FOCAD: variants seen among roughly 807,000 people sequenced by gnomAD.
The protein encoded by FOCAD is KIAA1797.
In FOCAD, 198 loss-of-function variants were observed where a neutral mutation model predicts 225.6. That is an observed-to-expected ratio of 0.88 (90% CI 0.78 to 0.99). The LOEUF is 0.99. FOCAD is among the 50% of genes least tolerant of loss of function. FOCAD has a pLI of 0.00. For missense variants in FOCAD, 2,713 were observed against 2,123.6 expected, an observed-to-expected ratio of 1.28 and a Z score of -5.46; for synonymous variants, 897 against 755.0, an observed-to-expected ratio of 1.19 and a Z score of -3.08.
intron 2 of FOCAD, chr9:20,716,130 C>T (rs768108997): frequency 2.1e-6 from 1 of 480,854 alleles, no homozygotes; most frequent in South Asian, 1.6e-5. Flanking sequence ...AGTGGGGAAC[C>T]CTTCCATGAG....
At chr9:20,837,215 T>C (rs1459915134) in intron 15 of FOCAD, among the ~76,000 whole-genome samples, 2 of 152,074 alleles carry the variant, frequency 1.3e-5, no homozygotes, top group African/African-American at 4.8e-5. Context: ...CTCACTTGAA[T>C]CAAAATCATG....
chr9:20,756,713 C>T (rs1395877086), intron 5 of FOCAD, among the ~76,000 whole-genome samples: 1 of 152,124 alleles, frequency 6.6e-6, no homozygotes, highest in Non-Finnish European at 1.5e-5. Context: ...AACAAGTTCC[C>T]AGTTGATCTT....
chr9:20,779,235 G>A (rs1354752301), intron 9 of FOCAD, among the ~76,000 whole-genome samples: 5 of 152,106 alleles, frequency 3.3e-5, no homozygotes, highest in Non-Finnish European at 5.9e-5. Context: ...TGAAGGAGGG[G>A]GCCAAGGGTG....
At chr9:20,676,295 G>C (rs537000833) in intron 2 of FOCAD, among the ~76,000 whole-genome samples, 2 of 152,132 alleles carry the variant, frequency 1.3e-5, no homozygotes, top group East Asian at 1.9e-4. Flanking sequence ...TGAATATCCC[G>C]ATTTGCCCTA....
intron 8 of FOCAD, among the ~76,000 whole-genome samples, chr9:20,778,273 C>G (rs1347402279): frequency 6.6e-6 from 1 of 151,860 alleles, no homozygotes; most frequent in Non-Finnish European, 1.5e-5. Context: ...GAGATGGAAT[C>G]TCGCTCTGCC....
chr9:20,937,936 T>A (rs1836168623), intron 28 of FOCAD, among the ~76,000 whole-genome samples: 1 of 152,054 alleles, frequency 6.6e-6, no homozygotes, highest in Admixed American at 6.5e-5. Flanking sequence ...AACAGACACT[T>A]CTCAAAAGAA....
intron 2 of FOCAD, among the ~76,000 whole-genome samples, chr9:20,679,121 A>AGGTGTGTG (rs1822321107): frequency 8.2e-6 from 1 of 121,942 alleles, no homozygotes; most frequent in Non-Finnish European, 1.7e-5. Flanking sequence ...CAGTCTGTGT[A>AGGTGTGTG]TGTGTGTGTG....
rs373819817 is a variant in FOCAD at position 20,865,147 on chromosome 9, A to G, written c.2056-779A>G. Among the ~76,000 whole-genome samples the G allele has an allele frequency of 2.6e-5, 4 of 152,236 alleles. No homozygotes were observed. In the East Asian group the frequency reaches 7.7e-4, roughly 29 times the overall value. ...GATAGATGTGAGTGATGATAATTAT[A>G]GTAACATTTGATGAGCACAGTTAAT... On this transcript the variant is annotated intron_variant, in intron 16 of 43. Coordinates refer to ENST00000338382, the MANE Select transcript of FOCAD (RefSeq NM_001375567.1).
At chr9:20,969,533 A>G (rs1196524231) in intron 35 of FOCAD, among the ~76,000 whole-genome samples, 2 of 152,096 alleles carry the variant, frequency 1.3e-5, no homozygotes, top group Non-Finnish European at 2.9e-5. Flanking sequence ...CATCAACAAC[A>G]TATAAAAATT....
At chr9:20,695,732 T>A (rs569272503) in intron 1 of FOCAD, among the ~76,000 whole-genome samples, 1 of 152,228 alleles carries the variant, frequency 6.6e-6, no homozygotes, top group Non-Finnish European at 1.5e-5. Context: ...TTTTAAAAGC[T>A]ATGTGGGATA....
rs1347437557 is a variant in FOCAD at position 20,978,358 on chromosome 9, G to C, written c.4281G>C (p.Leu1427=). ...RLNFGEEIQQ[L]CLEIMVTQAQ... is the part of the protein sequence containing the mutation. ...TTTCAGGTGAAGAGATCCAGCAACT[G>C]TGCCTTGAAATTATGGTGACCCAGG... The change falls in exon 37 of 44, where the codon CTG becomes CTC. Residue 1427 remains leucine (L), a synonymous_variant. Coordinates refer to ENST00000338382, the MANE Select transcript of FOCAD (RefSeq NM_001375567.1). 4 of 1,606,640 alleles carry C rather than the reference G, an allele frequency of 2.5e-6. No homozygotes were observed. The highest frequency in any genetic ancestry group is 1.7e-5 in the Admixed American group (1 of 59,172).
At chr9:20,822,722 C>A (rs528278766) in intron 14 of FOCAD, among the ~76,000 whole-genome samples, 1 of 152,026 alleles carries the variant, frequency 6.6e-6, no homozygotes, top group African/African-American at 2.4e-5. Context: ...TCAATTCAGA[C>A]AATAGGATTT....
At chr9:20,707,050 A>G (rs147110387) in intron 1 of FOCAD, among the ~76,000 whole-genome samples, 238 of 152,318 alleles carry the variant, frequency 1.6e-3, no homozygotes, top group African/African-American at 5.6e-3. Flanking sequence ...TTACTGTACC[A>G]TATTTGAGGC....
chr9:20,719,927 G>C (rs1825647253), intron 3 of FOCAD, among the ~76,000 whole-genome samples: 1 of 152,046 alleles, frequency 6.6e-6, no homozygotes, highest in Non-Finnish European at 1.5e-5. Flanking sequence ...GCATGTAGGT[G>C]ATAGAGGTTG....
intron 35 of FOCAD, among the ~76,000 whole-genome samples, chr9:20,962,398 TAA>T (rs1491173623): frequency 7.2e-6 from 1 of 138,706 alleles, no homozygotes; most frequent in Non-Finnish European, 1.6e-5. Flanking sequence ...TACACATATA[TAA>T]TATATATATA....
At chr9:20,945,379 T>C (rs1837074159) in intron 29 of FOCAD, among the ~76,000 whole-genome samples, 1 of 152,214 alleles carries the variant, frequency 6.6e-6, no homozygotes, top group Non-Finnish European at 1.5e-5. Context: ...GCTTGTACTC[T>C]TCTTTGAGAG....
chr9:20,818,414 G>C (rs199840710), intron 11 of FOCAD, among the ~76,000 whole-genome samples: 1 of 151,488 alleles, frequency 6.6e-6, no homozygotes, highest in African/African-American at 2.4e-5. Flanking sequence ...TTGTACTTTT[G>C]TTGTCATGTC....
intron 21 of FOCAD, among the ~76,000 whole-genome samples, chr9:20,901,771 C>A (rs1371681980): frequency 6.6e-6 from 1 of 151,820 alleles, no homozygotes; most frequent in Non-Finnish European, 1.5e-5. Context: ...AAGCTTACAT[C>A]ATACAGATTT....
intron 1 of FOCAD, among the ~76,000 whole-genome samples, chr9:20,708,723 C>T (rs912630362): frequency 6.6e-6 from 1 of 151,822 alleles, no homozygotes; most frequent in Non-Finnish European, 1.5e-5. Context: ...CTGCAGTGAC[C>T]TATGATTGTG....
Sources: gnomAD v4.1 joint callset for allele counts (sites outside exome capture counted in the v4.1 genomes callset) on GRCh38, gnomAD v4.1.1 for gene constraint, MANE v1.5 for transcripts, NCBI Gene and HGNC (gene_info 2026-07-23, HGNC 2026-07-21) for gene names.